The following SLC16A7 variants were observed in gnomAD, a reference collection of about 807,000 sequenced individuals.
SLC16A7 encodes solute carrier family 16 member 7.
A neutral mutation model predicts 34.9 loss-of-function variants in SLC16A7; 33 were observed. The observed-to-expected ratio is 0.94, with a 90% CI of 0.72 to 1.26. The LOEUF is 1.26. SLC16A7 is among the 50% of genes most tolerant of loss of function. The probability of loss-of-function intolerance (pLI) is 0.00; values close to 1 mark genes in which losing one functional copy is unlikely to be tolerated. For synonymous variants in SLC16A7, 201 were observed against 206.6 expected (o/e 0.97, Z 0.23); for missense variants, 573 against 578.1 (o/e 0.99, Z 0.09).
At chr12:59,748,695 A>G (rs896711573) in intron 3 of SLC16A7, among the ~76,000 whole-genome samples, 2 of 152,218 alleles carry the variant, frequency 1.3e-5, no homozygotes, top group African/African-American at 4.8e-5. Flanking sequence ...GAAATTTATG[A>G]AATTTTTGTT....
chr12:59,628,394 A>G (rs1226832615), intron 1 of SLC16A7, among the ~76,000 whole-genome samples: 1 of 151,864 alleles, frequency 6.6e-6, no homozygotes, highest in Non-Finnish European at 1.5e-5. Context: ...ATGTCTTTGA[A>G]TACTCTGTTC....
chr12:59,734,874 T>A (rs549154909), intron 3 of SLC16A7, among the ~76,000 whole-genome samples: 13 of 152,368 alleles, frequency 8.5e-5, no homozygotes, highest in African/African-American at 3.1e-4. Flanking sequence ...CTATATTCTT[T>A]AAAATCTCAT....
chr12:59,743,948 A>C (rs190495524), intron 3 of SLC16A7, among the ~76,000 whole-genome samples: 57 of 152,378 alleles, frequency 3.7e-4, no homozygotes, highest in African/African-American at 1.3e-3. Flanking sequence ...AGAAAATGAA[A>C]TACTGAATGA....
chr12:59,735,821 A>G, intron 3 of SLC16A7: 1 of 322,412 alleles, frequency 3.1e-6, no homozygotes, highest in Non-Finnish European at 4.8e-6. Context: ...ATATATTATA[A>G]ATTTTATGTT....
intron 1 of SLC16A7, among the ~76,000 whole-genome samples, chr12:59,608,293 T>C (rs903185087): frequency 6.6e-6 from 1 of 152,196 alleles, no homozygotes; most frequent in African/African-American, 2.4e-5. Context: ...GCAGTGTCTT[T>C]GATGTAACAA....
Position 59,785,208 on chromosome 12 carries a change from T to C in SLC16A7, c.*5529T>C, listed in dbSNP as rs1179782062. Reference sequence around the variant, plus strand: ...AAAAATGAGTAATTTTCTGAGCTTATGTCACTTTTTTATAGTTCTGATTTT... The same window carrying C: ...AAAAATGAGTAATTTTCTGAGCTTACGTCACTTTTTTATAGTTCTGATTTT... On this transcript the variant is annotated 3_prime_UTR_variant, in exon 6 of 6. Coordinates refer to ENST00000547379, the MANE Select transcript of SLC16A7 (RefSeq NM_001270623.2). 1 of 152,208 alleles carries C rather than the reference T, an allele frequency of 6.6e-6. No individual in the cohort carries two copies. The highest frequency in any genetic ancestry group is 1.9e-4 in the East Asian group (1 of 5,200). 9.4% of individuals were successfully genotyped at this position (152,208 alleles called of 1,614,324 possible).
At chr12:59,646,788 C>T (rs192306634) in intron 1 of SLC16A7, among the ~76,000 whole-genome samples, 1 of 152,294 alleles carries the variant, frequency 6.6e-6, no homozygotes, top group East Asian at 1.9e-4. Context: ...GTCACAGGGG[C>T]AGAGCTGTTT....
At chr12:59,636,891 G>A (rs2137001087) in intron 1 of SLC16A7, among the ~76,000 whole-genome samples, 1 of 152,220 alleles carries the variant, frequency 6.6e-6, no homozygotes, top group Non-Finnish European at 1.5e-5. Context: ...TGTAGATTAT[G>A]AGAAAATAAT....
chr12:59,698,210 A>G (rs1412178282), intron 2 of SLC16A7, among the ~76,000 whole-genome samples: 2 of 151,776 alleles, frequency 1.3e-5, no homozygotes, highest in African/African-American at 4.8e-5. Context: ...TTTTTATGAA[A>G]TAATTTATAG....
intron 3 of SLC16A7, among the ~76,000 whole-genome samples, chr12:59,749,732 A>G (rs138435305): frequency 1.9e-3 from 290 of 152,372 alleles, no homozygotes; most frequent in Middle Eastern, 3.4e-3. Flanking sequence ...ATGTTTTGCA[A>G]GACTTCACAA....
intron 3 of SLC16A7, among the ~76,000 whole-genome samples, chr12:59,760,599 A>G (rs1880906414): frequency 1.3e-5 from 2 of 152,086 alleles, no homozygotes; most frequent in South Asian, 4.1e-4. Flanking sequence ...TTCTCAAAAG[A>G]TCTTACTGTA....
At chr12:59,755,054 A>G (rs1160372082) in intron 3 of SLC16A7, among the ~76,000 whole-genome samples, 1 of 152,256 alleles carries the variant, frequency 6.6e-6, no homozygotes, top group African/African-American at 2.4e-5. Flanking sequence ...ACAAAATTCA[A>G]CAACACTTCA....
chr12:59,751,436 G>T (rs989878442), intron 3 of SLC16A7, among the ~76,000 whole-genome samples: 2 of 152,240 alleles, frequency 1.3e-5, no homozygotes, highest in Admixed American at 6.5e-5. Context: ...AAAAAACGGT[G>T]CACCAGGAGA....
chr12:59,610,341 A>G (rs913534973), intron 1 of SLC16A7, among the ~76,000 whole-genome samples: 3 of 152,244 alleles, frequency 2.0e-5, no homozygotes, highest in Admixed American at 6.5e-5. Context: ...ACTCTTCCAC[A>G]TGTACAATTC....
At chr12:59,678,278 G>A (rs1397845674) in intron 2 of SLC16A7, among the ~76,000 whole-genome samples, 1 of 152,164 alleles carries the variant, frequency 6.6e-6, no homozygotes, top group Non-Finnish European at 1.5e-5. Context: ...CCATTCAGTG[G>A]GTCTGAGTTT....
intron 3 of SLC16A7, among the ~76,000 whole-genome samples, chr12:59,769,593 T>C (rs539611133): frequency 6.6e-6 from 1 of 152,222 alleles, no homozygotes; most frequent in East Asian, 1.9e-4. Context: ...CTTTCTGAAA[T>C]TGTGTTATTA....
At chr12:59,716,842 T>C (rs896984535) in intron 3 of SLC16A7, among the ~76,000 whole-genome samples, 4 of 152,114 alleles carry the variant, frequency 2.6e-5, no homozygotes, top group Admixed American at 6.6e-5. Flanking sequence ...CAAGACTCTG[T>C]CTCACAATAA....
At chr12:59,703,503 AGTAT>A (rs1474540031) in intron 2 of SLC16A7, among the ~76,000 whole-genome samples, 1 of 152,196 alleles carries the variant, frequency 6.6e-6, no homozygotes, top group Non-Finnish European at 1.5e-5. Context: ...TTGATGTATG[AGTAT>A]GTGAAGAAGA....
At chr12:59,693,219 T>G (rs1321225845) in intron 2 of SLC16A7, among the ~76,000 whole-genome samples, 1 of 151,980 alleles carries the variant, frequency 6.6e-6, no homozygotes. Context: ...CTTAGTTTGC[T>G]GAGTACATTA....
Sources: gnomAD v4.1 joint callset for allele counts (sites outside exome capture counted in the v4.1 genomes callset) on GRCh38, gnomAD v4.1.1 for gene constraint, MANE v1.5 for transcripts, NCBI Gene and HGNC (gene_info 2026-07-23, HGNC 2026-07-21) for gene names.